CACNA2D2: variants seen among roughly 807,000 people sequenced by gnomAD.
The protein encoded by CACNA2D2 is calcium voltage-gated channel auxiliary subunit alpha2delta 2.
CACNA2D2 carries 48 observed loss-of-function variants against 166.4 expected under a neutral mutation model. The observed-to-expected ratio is 0.29, with a 90% confidence interval of 0.23 to 0.37. The LOEUF is 0.37. CACNA2D2 is among the 10% of genes least tolerant of loss of function. The pLI is 1.00. For synonymous variants in CACNA2D2, 561 were observed against 573.7 expected (o/e 0.98, Z 0.32); for missense variants, 1,122 against 1,433.0 (o/e 0.78, Z 3.50).
At chr3:50,421,777 C>A (rs1376425971) in intron 3 of CACNA2D2, among the ~76,000 whole-genome samples, 2 of 152,146 alleles carry the variant, frequency 1.3e-5, no homozygotes, top group African/African-American at 4.8e-5. Context: ...AGAACTCTGG[C>A]CAGGAACATG....
At chr3:50,484,895 T>C (rs1353483477) in intron 1 of CACNA2D2, among the ~76,000 whole-genome samples, 1 of 152,172 alleles carries the variant, frequency 6.6e-6, no homozygotes, top group East Asian at 1.9e-4. Flanking sequence ...TGGCCGGCCA[T>C]GGGGTAGGCA....
At chr3:50,498,493 C>A (rs1457422208) in intron 1 of CACNA2D2, among the ~76,000 whole-genome samples, 1 of 152,212 alleles carries the variant, frequency 6.6e-6, no homozygotes, top group Non-Finnish European at 1.5e-5. Context: ...CCAGATGAAG[C>A]CCCTCCTCTC....
At chr3:50,429,864 C>A (rs892070490) in intron 3 of CACNA2D2, among the ~76,000 whole-genome samples, 1 of 151,854 alleles carries the variant, frequency 6.6e-6, no homozygotes, top group Admixed American at 6.6e-5. Context: ...CCCCTGCTGA[C>A]CCCCCGAGAA....
Position 50,476,110 on chromosome 3 carries a change from G to A in CACNA2D2, c.288+8C>T, listed in dbSNP as rs368415357. 5.5e-5 allele frequency: 88 copies of A among 1,592,600 alleles called. 1 individual carries two copies. The highest frequency in any genetic ancestry group is 5.0e-4 in the South Asian group (44 of 87,858). On this transcript the variant is annotated splice_region_variant and intron_variant, in intron 2 of 37. Transcript: ENST00000424201. The stretch of plus-strand genomic sequence containing the variant: ...CCCTGAAGAGACAGCAAGTGGCACC[G>A]GGCTCACCTCACGGAGCTGCTGGAC...
At chr3:50,475,269 C>T (rs1415900031) in intron 2 of CACNA2D2, among the ~76,000 whole-genome samples, 1 of 152,150 alleles carries the variant, frequency 6.6e-6, no homozygotes, top group African/African-American at 2.4e-5. Context: ...AAACCCTGGA[C>T]CTGGACTCCT....
chr3:50,480,938 G>A (rs1698029286), intron 1 of CACNA2D2, among the ~76,000 whole-genome samples: 1 of 142,494 alleles, frequency 7.0e-6, no homozygotes, highest in African/African-American at 2.6e-5. Flanking sequence ...GGGGGAGGAA[G>A]GGGGAGGAGG....
chr3:50,455,266 T>C (rs1466440130), intron 2 of CACNA2D2, among the ~76,000 whole-genome samples: 1 of 152,232 alleles, frequency 6.6e-6, no homozygotes, highest in Non-Finnish European at 1.5e-5. Flanking sequence ...CGCTCACTCA[T>C]TGAGCACCTC....
At position 50,367,769 on chromosome 3, in the gene CACNA2D2, G is replaced by A. The variant is rs1174637856; in HGVS notation, c.2234+43C>T. The A allele has an allele frequency of 6.2e-7, 1 of 1,611,756 alleles. No homozygotes were observed. The stretch of plus-strand genomic sequence containing the variant: ...TGCTGGGCAGGTCCAGGGCCTCTGG[G>A]CCCATCCTAGCCTTCTGCCCCCACA... On this transcript the variant is annotated intron_variant, in intron 25 of 37. Transcript: ENST00000424201. The surrounding 1 kb of genome is among the most constrained non-coding windows in gnomAD (Gnocchi z 6.5).
intron 2 of CACNA2D2, among the ~76,000 whole-genome samples, chr3:50,470,040 G>A (rs2107057829): frequency 1.3e-5 from 2 of 152,280 alleles, no homozygotes; most frequent in African/African-American, 4.8e-5. Flanking sequence ...CTGTGCCCAT[G>A]GCCTCCACAG....
At chr3:50,417,849 G>A (rs1432080328) in intron 3 of CACNA2D2, among the ~76,000 whole-genome samples, 4 of 152,152 alleles carry the variant, frequency 2.6e-5, no homozygotes, top group Non-Finnish European at 4.4e-5. Context: ...CCGACCTGTC[G>A]CTGTGCAGTC....
chr3:50,488,239 G>A (rs1004226183), intron 1 of CACNA2D2, among the ~76,000 whole-genome samples: 3 of 152,150 alleles, frequency 2.0e-5, no homozygotes, highest in Non-Finnish European at 2.9e-5. Flanking sequence ...CTCCCACACC[G>A]AGGCCTGCAG....
chr3:50,412,451 T>C (rs1167702164), intron 3 of CACNA2D2, among the ~76,000 whole-genome samples: 3 of 152,212 alleles, frequency 2.0e-5, no homozygotes, highest in African/African-American at 7.2e-5. Context: ...TTCTACCACA[T>C]TTCACCAGAT....
At chr3:50,436,216 T>C (rs1708312602) in intron 2 of CACNA2D2, among the ~76,000 whole-genome samples, 1 of 152,142 alleles carries the variant, frequency 6.6e-6, no homozygotes, top group African/African-American at 2.4e-5. Context: ...CACCGATGCC[T>C]CTGGAGAGTG....
In CACNA2D2 at chr3:50,434,363, C is replaced by T. The variant is rs1386531084; in HGVS notation, c.355G>A (p.Val119Met). 1.9e-6 allele frequency: 3 copies of T among 1,614,062 alleles called. No individual in the cohort carries two copies. The highest frequency in any genetic ancestry group is 3.3e-5 in the Admixed American group (2 of 60,010). Residue 119 changes from valine to methionine, a missense_variant, in exon 3 of 38, where the codon GTG becomes ATG. Val to Met is a conservative substitution (Grantham distance 21). Around this residue, in one of 2 missense-constraint regions of CACNA2D2, gnomAD observed 840 missense variants for 1,166.8 expected, o/e 0.72. Coordinates refer to ENST00000424201, the MANE Select transcript of CACNA2D2 (RefSeq NM_006030.4). ...AGAAGGCTCTCAATGTCCCCTGCCA[C>T]CTTCTCCACCAACTTCTGAGGCTCA... Reference protein sequence around the residue: ...ENEPQKLVEKVAGDIESLLDR... With the variant: ...ENEPQKLVEKMAGDIESLLDR...
intron 13 of CACNA2D2, among the ~76,000 whole-genome samples, chr3:50,378,673 G>A (rs1026392605): frequency 1.3e-5 from 2 of 152,224 alleles, no homozygotes; most frequent in Non-Finnish European, 2.9e-5. Context: ...GCAAACAGAC[G>A]CAGGAGTAGA....
chr3:50,482,142 C>T (rs1186910931), intron 1 of CACNA2D2, among the ~76,000 whole-genome samples: 3 of 152,232 alleles, frequency 2.0e-5, no homozygotes, highest in Admixed American at 6.5e-5. Context: ...TCCCCCATCC[C>T]AGCCTGGAGA....
At chr3:50,450,673 T>C (rs1054212023) in intron 2 of CACNA2D2, among the ~76,000 whole-genome samples, 2 of 151,990 alleles carry the variant, frequency 1.3e-5, no homozygotes, top group African/African-American at 2.4e-5. Flanking sequence ...TTTTACAGAG[T>C]GAAAGAGGCT....
At chr3:50,448,660 C>T (rs1708968349) in intron 2 of CACNA2D2, among the ~76,000 whole-genome samples, 1 of 152,138 alleles carries the variant, frequency 6.6e-6, no homozygotes, top group African/African-American at 2.4e-5. Context: ...CCCTGAGCTC[C>T]TGTGCTCAAG....
At chr3:50,402,952 T>C (rs1158382016) in intron 3 of CACNA2D2, among the ~76,000 whole-genome samples, 5 of 152,084 alleles carry the variant, frequency 3.3e-5, no homozygotes, top group African/African-American at 1.2e-4. Flanking sequence ...CTGTGGGGCA[T>C]GGTGCTGCCT....
Sources: allele counts gnomAD v4.1 joint callset (sites outside exome capture counted in the v4.1 genomes callset), GRCh38; gene constraint gnomAD v4.1.1; regional missense constraint gnomAD v4.1.1; non-coding constraint Gnocchi (gnomAD v3.1); transcripts MANE v1.5; gene names NCBI Gene and HGNC (gene_info 2026-07-23, HGNC 2026-07-21).